Variants in FRMD4B observed in about 807,000 individuals in gnomAD.
FRMD4B encodes FERM domain containing 4B.
A neutral mutation model predicts 141.5 loss-of-function variants in FRMD4B; 74 were observed. The ratio of observed to expected loss-of-function variants is 0.52; its 90% CI spans 0.43 to 0.63. FRMD4B has a LOEUF of 0.63. Among genes scored for constraint, FRMD4B ranks in the 30% least tolerant of loss-of-function variants. The probability of loss-of-function intolerance (pLI) is 0.00; values close to 1 mark genes in which losing one functional copy is unlikely to be tolerated. For synonymous variants in FRMD4B, 506 were observed against 467.9 expected (o/e 1.08, Z -1.05); for missense variants, 1,366 against 1,253.4 (o/e 1.09, Z -1.36).
chr3:69,236,599 C>T (rs1020301292), intron 7 of FRMD4B, among the ~76,000 whole-genome samples: 1 of 152,154 alleles, frequency 6.6e-6, no homozygotes, highest in Non-Finnish European at 1.5e-5. Flanking sequence ...TCGGCAGAAC[C>T]TTAAAACAGG....
intron 2 of FRMD4B, among the ~76,000 whole-genome samples, chr3:69,426,120 G>GTT (rs1329041908): frequency 6.6e-6 from 1 of 152,220 alleles, no homozygotes; most frequent in African/African-American, 2.4e-5. Flanking sequence ...CATATGCCAT[G>GTT]TTATCAATAG....
intron 8 of FRMD4B, among the ~76,000 whole-genome samples, chr3:69,222,382 G>A (rs577515003): frequency 3.4e-4 from 50 of 146,364 alleles, no homozygotes; most frequent in African/African-American, 1.3e-3. Flanking sequence ...CAGGAGAACT[G>A]CTTGAACCTG....
At position 69,349,840 on chromosome 3, in the gene FRMD4B, C is replaced by T. The variant is rs569334907; in HGVS notation, c.162+35988G>A. 3.5e-3 allele frequency among the ~76,000 whole-genome samples: 528 copies of T among 152,270 alleles called. 5 individuals are homozygous for T. The highest frequency in any genetic ancestry group is 0.012 in the African/African-American group (491 of 41,536). On this transcript the variant is annotated intron_variant, in intron 1 of 22. Transcript: ENST00000398540. ...AAATTAATTCAAGGTGGATTAAAGA[C>T]CTAAATGTTAGACCTAAAACCATAA...
intron 2 of FRMD4B, among the ~76,000 whole-genome samples, chr3:69,392,360 G>C (rs2106726240): frequency 6.6e-6 from 1 of 152,324 alleles, no homozygotes; most frequent in Middle Eastern, 3.4e-3. Context: ...ACTTTCAGCA[G>C]AGACCTGAAG....
intron 1 of FRMD4B, among the ~76,000 whole-genome samples, chr3:69,526,330 T>A (rs536908166): frequency 6.6e-6 from 1 of 152,194 alleles, no homozygotes; most frequent in Non-Finnish European, 1.5e-5. Context: ...GGTAGTTGAA[T>A]TGATAACACA....
chr3:69,322,645 G>A (rs1039429733), intron 1 of FRMD4B, among the ~76,000 whole-genome samples: 5 of 145,374 alleles, frequency 3.4e-5, no homozygotes, highest in African/African-American at 1.3e-4. Context: ...TGCCCAGGCT[G>A]GAGTACAGTG....
rs766266683 is a variant in FRMD4B, at chr3:69,193,787, G to A, written c.1575C>T (p.Asp525=). 1.2e-6 allele frequency: 2 copies of A among 1,613,546 alleles called. No homozygotes were observed. Among genetic ancestry groups the A allele is most frequent in the Non-Finnish European group, 1.7e-6 (2 of 1,179,496 alleles). ...GCTTTTTCTTCACAGTTTTACAAAG[G>A]TCTGGCTCATTGGCAAGTTTCTTTG... The part of the protein sequence containing the change: ...EAAKKLANEP[D]LCKTVKKKRK... The change falls in exon 17 of 23, where the codon GAC becomes GAT. Residue 525 remains aspartate, a synonymous_variant. Coordinates refer to ENST00000398540, the MANE Select transcript of FRMD4B (RefSeq NM_015123.3).
At chr3:69,515,677 G>A (rs79133362) in intron 1 of FRMD4B, among the ~76,000 whole-genome samples, 4,749 of 151,960 alleles carry the variant, frequency 0.031, 211 homozygotes, top group East Asian at 0.12. Context: ...ACATAATGAC[G>A]AAATAGATAT....
At chr3:69,534,893 C>T (rs1227826597) in intron 1 of FRMD4B, among the ~76,000 whole-genome samples, 3 of 152,144 alleles carry the variant, frequency 2.0e-5, no homozygotes, top group Non-Finnish European at 4.4e-5. Flanking sequence ...CTGAAAAATG[C>T]CTAGCTTAAA....
chr3:69,303,088 A>G (rs1390500883), intron 3 of FRMD4B, among the ~76,000 whole-genome samples: 1 of 152,194 alleles, frequency 6.6e-6, no homozygotes, highest in Non-Finnish European at 1.5e-5. Flanking sequence ...TGTCTAAAAA[A>G]TAAACAAACA....
At chr3:69,446,828 C>A (rs949135519) in intron 1 of FRMD4B, among the ~76,000 whole-genome samples, 2 of 152,056 alleles carry the variant, frequency 1.3e-5, no homozygotes, top group Admixed American at 6.6e-5. Flanking sequence ...AACACAAGAC[C>A]CTTTGGAGAC....
rs140202368 is a variant in FRMD4B at position 69,169,353 on chromosome 3, CT to C, written c.*2507del. Among the ~76,000 whole-genome samples the C allele has an allele frequency of 1.4e-4, 4 of 29,284 alleles. No individual in the cohort carries two copies. The highest frequency in any genetic ancestry group is 3.3e-4 in the East Asian group (1 of 3,030). 19.2% of individuals were successfully genotyped at this position (29,284 alleles called of 152,430 possible). A position where few individuals can be genotyped will look rare whatever the true frequency, so the allele number is the denominator to read the frequency against. ...AGGATTGCTGAACTTCCATTTCTTT[CT>C]TTTTTTTTTTTTTTTTTTTTTCTTG... On this transcript the variant is annotated 3_prime_UTR_variant, in exon 23 of 23. Transcript: ENST00000398540.
At chr3:69,389,656 G>T (rs1032186694), upstream of FRMD4B, among the ~76,000 whole-genome samples, 1 of 152,094 alleles carries the variant, frequency 6.6e-6, no homozygotes, top group Non-Finnish European at 1.5e-5. Context: ...AAGTTCGAAG[G>T]TCAAGACTGA....
chr3:69,375,760 A>T (rs952195116), intron 1 of FRMD4B, among the ~76,000 whole-genome samples: 3 of 152,198 alleles, frequency 2.0e-5, no homozygotes, highest in Admixed American at 6.5e-5. Flanking sequence ...TACCTATTAT[A>T]ATAAGTACAT....
At chr3:69,361,526 C>T (rs1291482528) in intron 1 of FRMD4B, among the ~76,000 whole-genome samples, 1 of 152,174 alleles carries the variant, frequency 6.6e-6, no homozygotes, top group African/African-American at 2.4e-5. Context: ...CCCATAACAA[C>T]CACTATTCAG....
chr3:69,441,079 C>A (rs181890490), intron 1 of FRMD4B, among the ~76,000 whole-genome samples: 126 of 152,244 alleles, frequency 8.3e-4, no homozygotes, highest in Non-Finnish European at 7.3e-4. Flanking sequence ...AAACCCAAAT[C>A]TGAAGATAGC....
chr3:69,195,014 G>A lies in FRMD4B; in HGVS notation c.1488+8C>T, dbSNP rs767881125. 4 of 1,612,090 alleles carry A rather than the reference G, an allele frequency of 2.5e-6. No individual in the cohort carries two copies. The highest frequency in any genetic ancestry group is 3.3e-5 in the Admixed American group (2 of 59,816). On this transcript the variant is annotated splice_region_variant and intron_variant, in intron 16 of 22. Coordinates refer to ENST00000398540, the MANE Select transcript of FRMD4B (RefSeq NM_015123.3). ...ATTAATTGAAAGGCTCAGAGGCGTT[G>A]TTCATACTTCTTCACTCGGCAGCAA...
At chr3:69,291,106 T>G (rs998693880) in intron 4 of FRMD4B, among the ~76,000 whole-genome samples, 2 of 152,206 alleles carry the variant, frequency 1.3e-5, no homozygotes, top group Non-Finnish European at 2.9e-5. Flanking sequence ...ATGAAACACC[T>G]TTTTAAAAGT....
chr3:69,187,398 AGCTGGGTGTGGTG>A (rs1442466216), intron 19 of FRMD4B, among the ~76,000 whole-genome samples: 1 of 151,506 alleles, frequency 6.6e-6, no homozygotes, highest in Non-Finnish European at 1.5e-5. Context: ...ATACAAAATT[AGCTGGGTGTGGTG>A]GCTTGTAATC....
Sources: gnomAD v4.1 joint callset for allele counts (sites outside exome capture counted in the v4.1 genomes callset) on GRCh38, gnomAD v4.1.1 for gene constraint, MANE v1.5 for transcripts, NCBI Gene and HGNC (gene_info 2026-07-23, HGNC 2026-07-21) for gene names.